Variants in ABCC8 observed in about 807,000 individuals in gnomAD.
ABCC8 encodes the protein ATP binding cassette subfamily C member 8.
In ABCC8, 137 loss-of-function variants were observed where a neutral mutation model predicts 188.0. The ratio of observed to expected loss-of-function variants is 0.73; its 90% CI spans 0.63 to 0.84. The LOEUF is 0.84. ABCC8 is among the 40% of genes least tolerant of loss of function. The probability of loss-of-function intolerance (pLI) is 0.00; values close to 1 mark genes in which losing one functional copy is unlikely to be tolerated. For missense variants in ABCC8, 1,750 were observed against 2,072.7 expected (o/e 0.84, Z 3.02); for synonymous variants, 797 against 846.5 (o/e 0.94, Z 1.01).
intron 20 of ABCC8, 120 bp from the exon 21 acceptor site, chr11:17,412,866 C>G: frequency 6.5e-7 from 1 of 1,534,708 alleles, no homozygotes; most frequent in Non-Finnish European, 8.8e-7. Context: ...TCTTTGCCTG[C>G]TTCTCACCTT....
downstream of ABCC8, chr11:17,392,749 C>T: frequency 1.8e-6 from 1 of 570,684 alleles, no homozygotes; most frequent in Non-Finnish European, 3.2e-6. Flanking sequence ...GCCTGGCTGA[C>T]TAATAGAGGC....
rs74515964 is a variant in ABCC8 at position 17,414,759 on chromosome 11, C to A, written c.2292-149G>T. ...ATCTGCTTAGTGTGGCCTCTGGTGG[C>A]CTTGCCTTCCCCCAGGCAGGTTTGA... On this transcript the variant is annotated intron_variant, in intron 18 of 38. Transcript: ENST00000389817. 1,336 of 1,437,746 alleles carry A rather than the reference C, an allele frequency of 9.3e-4. 14 individuals are homozygous for A. In the African/African-American group the frequency reaches 0.016, roughly 18 times the overall value. The allele number at this position is 1,437,746 out of a possible 1,614,324, so 89.1% of individuals were successfully genotyped here.
chr11:17,437,328 G>C (rs1956144692), intron 10 of ABCC8, among the ~76,000 whole-genome samples: 1 of 152,108 alleles, frequency 6.6e-6, no homozygotes, highest in Non-Finnish European at 1.5e-5. Context: ...AATGTTTTCT[G>C]GCCCTTATGG....
At chr11:17,412,517 TAG>T (rs2133469462) in intron 21 of ABCC8, 147 bp downstream of exon 21, 2 of 1,180,880 alleles carry the variant, frequency 1.7e-6, no homozygotes, top group Non-Finnish European at 1.2e-6. Context: ...TCCCTATCAC[TAG>T]GATGATAAGG....
intron 19 of ABCC8, among the ~76,000 whole-genome samples, chr11:17,413,865 T>G (rs1377994064): frequency 6.6e-6 from 1 of 152,164 alleles, no homozygotes; most frequent in Non-Finnish European, 1.5e-5. Context: ...GCCCAGCCTG[T>G]TCCTCTCATA....
In ABCC8 at chr11:17,428,286, C is replaced by T. The variant is rs1351189873; in HGVS notation, c.2040+3G>A. 1.9e-6 allele frequency: 3 copies of T among 1,614,114 alleles called. No individual in the cohort carries two copies. Among genetic ancestry groups the T allele is most frequent in the South Asian group, 1.1e-5 (1 of 91,080 alleles). On this transcript the variant is annotated splice_donor_region_variant and intron_variant, in intron 14 of 38. Coordinates refer to ENST00000389817, the MANE Select transcript of ABCC8 (RefSeq NM_000352.6). ...TGGCCAGGCATGGGGCAGCAGGACT[C>T]ACCTGGACACAGCAGTTGTCAGCAT...
intron 10 of ABCC8, 116 bp from the exon 11 acceptor site, chr11:17,432,360 C>G: frequency 6.5e-7 from 1 of 1,541,112 alleles, no homozygotes; most frequent in Middle Eastern, 2.1e-4. Flanking sequence ...TGGGGCACAG[C>G]TCCAGTAGGC....
Position 17,427,855 on chromosome 11 carries a change from A to C in ABCC8, c.2116+12T>G. On this transcript the variant is annotated intron_variant, in intron 15 of 38. Coordinates refer to ENST00000389817, the MANE Select transcript of ABCC8 (RefSeq NM_000352.6). This position sits in a 1 kb window ranked among gnomAD's most constrained non-coding sequence, Gnocchi z 5.0. ...GGGGAGGGGCATGCTGGAGGGGTGG[A>C]CTGGGCCATACCTCGGGGGATACGA... 2 of 1,613,768 alleles carry C rather than the reference A, an allele frequency of 1.2e-6. No individual in the cohort carries two copies. Among genetic ancestry groups the C allele is most frequent in the Non-Finnish European group, 1.7e-6 (2 of 1,179,872 alleles).
At chr11:17,394,122 C>T in intron 37 of ABCC8, 144 bp downstream of exon 37, 1 of 1,140,926 alleles carries the variant, frequency 8.8e-7, no homozygotes, top group Non-Finnish European at 1.3e-6. Flanking sequence ...TCAGGGTCCC[C>T]CCAGCTCTTT....
chr11:17,440,699 C>G (rs1201275396), intron 10 of ABCC8, among the ~76,000 whole-genome samples: 1 of 152,262 alleles, frequency 6.6e-6, no homozygotes, highest in African/African-American at 2.4e-5. Flanking sequence ...GGCCCAGCCA[C>G]TGATGACTGG....
At chr11:17,417,298 T>C (rs551986530) in intron 16 of ABCC8, among the ~76,000 whole-genome samples, 19 of 152,284 alleles carry the variant, frequency 1.2e-4, no homozygotes, top group Admixed American at 3.9e-4. Context: ...TCATTTCTTA[T>C]AGTGTTTTCC....
intron 7 of ABCC8, among the ~76,000 whole-genome samples, chr11:17,449,194 G>C (rs974627245): frequency 1.3e-5 from 2 of 152,196 alleles, no homozygotes; most frequent in Non-Finnish European, 2.9e-5. Flanking sequence ...TCCAAATGCT[G>C]AGATTACAGG....
chr11:17,446,570 C>T (rs11819870), intron 8 of ABCC8, among the ~76,000 whole-genome samples: 8,989 of 152,238 alleles, frequency 0.059, 900 homozygotes, highest in African/African-American at 0.2. Flanking sequence ...TGAGCCACCA[C>T]ACCCAGCTTA....
intron 21 of ABCC8, among the ~76,000 whole-genome samples, chr11:17,411,895 T>C (rs1954822832): frequency 6.7e-6 from 1 of 150,022 alleles, no homozygotes; most frequent in South Asian, 2.1e-4. Context: ...TACGTTCTTT[T>C]TTTTTTTTTT....
intron 30 of ABCC8, 186 bp from the exon 31 acceptor site, chr11:17,397,983 C>G: frequency 1.3e-6 from 1 of 764,708 alleles, no homozygotes; most frequent in Admixed American, 6.3e-5. Flanking sequence ...CCAACATGTC[C>G]CACAAGCTCA....
chr11:17,423,263 A>G (rs901776547), intron 16 of ABCC8, among the ~76,000 whole-genome samples: 14 of 149,712 alleles, frequency 9.4e-5, no homozygotes, highest in African/African-American at 3.5e-4. Context: ...AGGCTGAAGC[A>G]GGAGAATCGC....
intron 29 of ABCC8, 60 bp downstream of exon 29, chr11:17,402,601 C>G: frequency 6.2e-7 from 1 of 1,614,010 alleles, no homozygotes; most frequent in Non-Finnish European, 8.5e-7. Flanking sequence ...AATCTCATGG[C>G]CTGTGCCCCC....
chr11:17,452,109 A>G (rs1956838589), intron 7 of ABCC8, among the ~76,000 whole-genome samples: 1 of 152,226 alleles, frequency 6.6e-6, no homozygotes, highest in Non-Finnish European at 1.5e-5. Flanking sequence ...ACTCTCAATC[A>G]GGATGTCTCT....
intron 6 of ABCC8, among the ~76,000 whole-genome samples, chr11:17,456,750 G>T (rs1044488431): frequency 1.3e-5 from 2 of 152,186 alleles, no homozygotes; most frequent in Non-Finnish European, 1.5e-5. Context: ...TTCCTCATCT[G>T]TAAGGTGAGG....
Sources: allele counts gnomAD v4.1 joint callset (sites outside exome capture counted in the v4.1 genomes callset), GRCh38; gene constraint gnomAD v4.1.1; non-coding constraint Gnocchi (gnomAD v3.1); transcripts MANE v1.5; gene names NCBI Gene and HGNC (gene_info 2026-07-23, HGNC 2026-07-21).